PCLO: variants seen among roughly 807,000 people sequenced by gnomAD.
PCLO encodes the protein piccolo presynaptic cytomatrix protein, also known as protein piccolo.
A neutral mutation model predicts 427.5 loss-of-function variants in PCLO; 82 were observed. The observed-to-expected ratio is 0.19, with a 90% CI of 0.16 to 0.23. The LOEUF (loss-of-function observed/expected upper bound fraction) is 0.23. PCLO is among the 10% of genes least tolerant of loss of function. PCLO has a pLI of 1.00. For missense variants in PCLO, 6,239 were observed against 6,115.9 expected, an observed-to-expected ratio of 1.02 and a Z score of -0.67; for synonymous variants, 2,357 against 2,155.4, an observed-to-expected ratio of 1.09 and a Z score of -2.59.
intron 3 of PCLO, among the ~76,000 whole-genome samples, chr7:82,991,297 C>T (rs1796371277): frequency 6.6e-6 from 1 of 151,920 alleles, no homozygotes; most frequent in Non-Finnish European, 1.5e-5. Context: ...GTTTATCATA[C>T]AACATTAGTA....
Position 82,956,408 on chromosome 7 carries a change from C to G in PCLO, c.4545G>C (p.Glu1515Asp), listed in dbSNP as rs911022123. 6.2e-7 allele frequency: 1 copy of G among 1,613,608 alleles called. No homozygotes were observed. The highest frequency in any genetic ancestry group is 8.5e-7 in the Non-Finnish European group (1 of 1,179,870). ...TRREPYDSVE[E>D]SSESENSPVP... is the part of the protein sequence containing the mutation. ...CAGGTGAGTTTTCACTTTCACTACT[C>G]TCTTCAACTGAATCATAAGGCTCTC... The change falls in exon 5 of 25, where the codon GAG becomes GAC. Residue 1515 changes from glutamate to aspartate, a missense_variant. Around this residue, in one of 5 missense-constraint regions of PCLO, gnomAD observed 4,677 missense variants for 4,468.4 expected, o/e 1.05. Transcript: ENST00000333891.
chr7:83,021,693 A>G (rs995718573), intron 3 of PCLO, among the ~76,000 whole-genome samples: 1 of 152,170 alleles, frequency 6.6e-6, no homozygotes, highest in Non-Finnish European at 1.5e-5. Context: ...CTATTAAAAC[A>G]AGGTAAAACA....
At chr7:82,946,615 G>C (rs2116403850) in intron 6 of PCLO, among the ~76,000 whole-genome samples, 1 of 152,200 alleles carries the variant, frequency 6.6e-6, no homozygotes, top group Non-Finnish European at 1.5e-5. Context: ...TCGTGCCCTG[G>C]GTGGGGGCAA....
At chr7:82,774,636 A>G (rs898273740) in intron 22 of PCLO, among the ~76,000 whole-genome samples, 2 of 152,210 alleles carry the variant, frequency 1.3e-5, no homozygotes, top group Admixed American at 6.5e-5. Flanking sequence ...GAAGGTACAG[A>G]GATCTCCTGT....
chr7:82,865,078 A>G (rs544171923), intron 10 of PCLO, among the ~76,000 whole-genome samples: 1 of 152,318 alleles, frequency 6.6e-6, no homozygotes, highest in East Asian at 1.9e-4. Flanking sequence ...AAGAAGTATT[A>G]CAGAATGATT....
intron 3 of PCLO, among the ~76,000 whole-genome samples, chr7:82,971,741 C>CATATAT (rs113326490): frequency 2.1e-5 from 3 of 142,300 alleles, no homozygotes; most frequent in Non-Finnish European, 3.1e-5. Context: ...TTGTACCAAC[C>CATATAT]ATATATATAT....
rs533958846 is a variant in PCLO at position 82,966,094 on chromosome 7, T to C, written c.3694A>G (p.Lys1232Glu). 92 of 1,611,452 alleles carry C rather than the reference T, an allele frequency of 5.7e-5. No homozygotes were observed. Among genetic ancestry groups the C allele is most frequent in the Non-Finnish European group, 7.7e-5 (91 of 1,179,382 alleles). ...TTTTTTTCTTCTAGGAGTGGCTTTTTTTCTTCAGAACGTATCTTTTCTTCT... is the reference window on the plus strand; with the variant it reads ...TTTTTTTCTTCTAGGAGTGGCTTTTCTTCTTCAGAACGTATCTTTTCTTCT... ...PEEEKIRSEEKKPLLEEKKPT... is the reference protein window; with the variant it reads ...PEEEKIRSEEEKPLLEEKKPT... The change falls in exon 4 of 25, where the codon AAA becomes GAA. Residue 1232 changes from lysine to glutamate, a missense_variant. By Grantham distance (56) the Lys-to-Glu change is moderately conservative (BLOSUM62 1). Around this residue, in one of 5 missense-constraint regions of PCLO, gnomAD observed 4,677 missense variants for 4,468.4 expected, o/e 1.05. Transcript: ENST00000333891.
At chr7:82,800,642 C>G (rs1006117330) in intron 22 of PCLO, among the ~76,000 whole-genome samples, 1 of 152,070 alleles carries the variant, frequency 6.6e-6, no homozygotes, top group Non-Finnish European at 1.5e-5. Flanking sequence ...GTCGCCCAGG[C>G]TGGAGTGCAG....
At chr7:82,850,005 T>A (rs1236918475) in intron 10 of PCLO, among the ~76,000 whole-genome samples, 1 of 122,408 alleles carries the variant, frequency 8.2e-6, no homozygotes, top group Non-Finnish European at 1.8e-5. Context: ...AGCTTATTAT[T>A]ATTATTATTT....
At chr7:82,984,967 C>T (rs765251542) in intron 3 of PCLO, among the ~76,000 whole-genome samples, 5 of 151,896 alleles carry the variant, frequency 3.3e-5, no homozygotes, top group Non-Finnish European at 7.4e-5. Context: ...ATAGTTTCTA[C>T]TGATAAAATT....
At chr7:82,777,753 C>A (rs1403934261) in intron 22 of PCLO, among the ~76,000 whole-genome samples, 1 of 152,084 alleles carries the variant, frequency 6.6e-6, no homozygotes, top group Non-Finnish European at 1.5e-5. Context: ...ATGCAGAAAT[C>A]ACCTCAAGAT....
At chr7:82,987,414 T>C (rs7796881) in intron 3 of PCLO, among the ~76,000 whole-genome samples, 114,173 of 151,826 alleles carry the variant, frequency 0.75, 43,491 homozygotes, top group East Asian at 0.92. Context: ...GGTAATACTG[T>C]GTGCATGCAG....
chr7:82,955,034 C>T lies in PCLO; in HGVS notation c.5919G>A (p.Leu1973=). ...CATTTTCTTCTTCTTGCCTTGTTAG[C>T]AGACTGCCATCTACCGATCCATTGT... ...DTYNGSVDGS[L]LTRQEEENGF... is the part of the protein sequence containing the mutation. The change falls in exon 5 of 25, where the codon CTG becomes CTA. Residue 1973 remains leucine (L), a synonymous_variant. Transcript: ENST00000333891. The T allele has an allele frequency of 6.2e-7, 1 of 1,613,770 alleles. No individual in the cohort carries two copies. Among genetic ancestry groups the T allele is most frequent in the Non-Finnish European group, 8.5e-7 (1 of 1,179,846 alleles).
chr7:82,935,996 A>G lies in PCLO; in HGVS notation c.11112+13480T>C, dbSNP rs369141600. Among the ~76,000 whole-genome samples the G allele has an allele frequency of 3.0e-4, 45 of 151,766 alleles. 2 individuals carry two copies. The South Asian group carries it at 8.5e-3, about 29-fold the overall frequency. ...CTGGTTCATTCTCCTATAATCTCCT[A>G]TTCTCTAGCTTGGATACAACATCTA... is the stretch of plus-strand genomic sequence containing the variant. On this transcript the variant is annotated intron_variant, in intron 6 of 24. Transcript: ENST00000333891.
At position 82,956,222 on chromosome 7, in the gene PCLO, G is replaced by A. The variant is rs765051726; in HGVS notation, c.4731C>T (p.Phe1577=). 21 of 1,610,592 alleles carry A rather than the reference G, an allele frequency of 1.3e-5. No homozygotes were observed. In the South Asian group the frequency reaches 2.1e-4, roughly 16 times the overall value. The change falls in exon 5 of 25, where the codon TTC becomes TTT. Residue 1577 remains phenylalanine, a synonymous_variant. Coordinates refer to ENST00000333891, the MANE Select transcript of PCLO (RefSeq NM_033026.6). ...EDASGSEDDE[F]IRNQLKEISS... ...TAATCTCTTTGAGCTGGTTTCTGAT[G>A]AACTCATCATCTTCAGAACCTGAAG...
At chr7:82,944,347 T>C (rs1795153116) in intron 6 of PCLO, among the ~76,000 whole-genome samples, 1 of 151,938 alleles carries the variant, frequency 6.6e-6, no homozygotes, top group Non-Finnish European at 1.5e-5. Flanking sequence ...ATTATTATTA[T>C]AGAGCACCTA....
At chr7:82,777,268 G>A (rs1562781475) in intron 22 of PCLO, among the ~76,000 whole-genome samples, 1 of 151,928 alleles carries the variant, frequency 6.6e-6, no homozygotes, top group Non-Finnish European at 1.5e-5. Flanking sequence ...ACAAACATAT[G>A]GGAAAACATC....
chr7:83,038,100 T>TTA (rs1788874767), intron 3 of PCLO, among the ~76,000 whole-genome samples: 2 of 116,584 alleles, frequency 1.7e-5, no homozygotes, highest in African/African-American at 6.4e-5. Flanking sequence ...TATATATATA[T>TTA]TTATATATGT....
rs577352164 is a variant in PCLO at position 83,102,557 on chromosome 7, T to A, written c.3300+31693A>T. On this transcript the variant is annotated intron_variant, in intron 3 of 24. Transcript: ENST00000333891. ...GGTTTGAATTCTACTTCTGCCATTT[T>A]GTGATATCAGGCAAGTTACTTAAAA... Among the ~76,000 whole-genome samples, 3 of 152,106 alleles carry A rather than the reference T, an allele frequency of 2.0e-5. No individual in the cohort carries two copies. The East Asian group carries it at 5.8e-4, about 29-fold the overall frequency.
Sources: gnomAD v4.1 joint callset for allele counts (sites outside exome capture counted in the v4.1 genomes callset) on GRCh38, gnomAD v4.1.1 for gene constraint, gnomAD v4.1.1 regional missense constraint, MANE v1.5 for transcripts, NCBI Gene and HGNC (gene_info 2026-07-23, HGNC 2026-07-21) for gene names.